Variants in CPB1 observed in about 807,000 individuals in gnomAD.
CPB1 encodes the protein carboxypeptidase B.
Under a neutral mutation model 51.4 loss-of-function variants are expected in CPB1, and 53 were observed. The ratio of observed to expected loss-of-function variants is 1.03; its 90% CI spans 0.83 to 1.30. CPB1 has a LOEUF of 1.30. Ranked by LOEUF, CPB1 falls within the 50% of genes most tolerant of loss-of-function variation. The probability of loss-of-function intolerance (pLI) is 0.00; values close to 1 mark genes in which losing one functional copy is unlikely to be tolerated. For missense variants in CPB1, 494 were observed against 516.2 expected (o/e 0.96, Z 0.42); for synonymous variants, 189 against 186.9 (o/e 1.01, Z -0.09).
intron 2 of CPB1, 135 bp downstream of exon 2, chr3:148,828,212 T>G: frequency 1.4e-6 from 1 of 716,336 alleles, no homozygotes; most frequent in African/African-American, 1.8e-5. Flanking sequence ...TGGAAAACAT[T>G]TAGTGCCATA....
chr3:148,834,574 A>G lies in CPB1; in HGVS notation c.224A>G (p.Asp75Gly), dbSNP rs1005527114. 18 of 1,613,150 alleles carry G rather than the reference A, an allele frequency of 1.1e-5. No homozygotes were observed. In the African/African-American group the frequency reaches 2.1e-4, roughly 19 times the overall value. Residue 75 changes from aspartate to glycine, a missense_variant, in exon 3 of 11, where the codon GAT (aspartate) becomes GGT (glycine). Asp to Gly is a moderately conservative substitution (Grantham distance 94). Coordinates refer to ENST00000282957, the MANE Select transcript of CPB1 (RefSeq NM_001871.3). ...GTTGACTTCCGTGTTAAAGCAGAAG[A>G]TACTGTCACTGTGGAGAATGTTCTA... is the stretch of plus-strand genomic sequence containing the variant. ...STVDFRVKAE[D>G]TVTVENVLKQ...
At chr3:148,853,186 T>C (rs1357691824) in intron 9 of CPB1, among the ~76,000 whole-genome samples, 2 of 152,176 alleles carry the variant, frequency 1.3e-5, no homozygotes, top group Non-Finnish European at 2.9e-5. Context: ...AAAATTTTCT[T>C]TAAATTGTTT....
chr3:148,857,589 C>G, intron 10 of CPB1, 48 bp downstream of exon 10: 1 of 1,456,052 alleles, frequency 6.9e-7, no homozygotes, highest in Non-Finnish European at 9.6e-7. Flanking sequence ...GCCTAAAAAG[C>G]CAACGAAAGG....
chr3:148,847,482 A>G (rs549097269), intron 9 of CPB1, among the ~76,000 whole-genome samples: 14 of 152,036 alleles, frequency 9.2e-5, no homozygotes, highest in African/African-American at 3.4e-4. Flanking sequence ...ACCAAGCCTC[A>G]GAGTTAGCAA....
At position 148,840,801 on chromosome 3, in the gene CPB1, G is replaced by T. The variant is rs1288741234; in HGVS notation, c.372+16G>T. The stretch of plus-strand genomic sequence containing the variant: ...GTGGGAAACGGTATGATGTGCACAT[G>T]ATTTAGACAGATATTACTTTGGGAA... On this transcript the variant is annotated intron_variant, in intron 4 of 10. Transcript: ENST00000282957. The T allele has an allele frequency of 6.2e-7, 1 of 1,613,456 alleles. No homozygotes were observed. Among genetic ancestry groups the T allele is most frequent in the Non-Finnish European group, 8.5e-7 (1 of 1,179,522 alleles).
rs1713174623 is a variant in CPB1, at chr3:148,844,527, A to C, written c.626A>C (p.Lys209Thr). The part of the protein sequence containing the change: ...REIQVTELLD[K>T]LDFYVLPVLN... ...ATCCAAGTGACAGAGCTTCTCGACA[A>C]GTTAGACTTTTATGTCCTGCCTGTG... is the stretch of plus-strand genomic sequence containing the variant. Residue 209 changes from lysine (K) to threonine (T), a missense_variant, in exon 7 of 11, where the codon AAG (lysine) becomes ACG (threonine). Transcript: ENST00000282957. The C allele has an allele frequency of 6.2e-7, 1 of 1,613,944 alleles. No homozygotes were observed.
At chr3:148,858,359 T>C (rs1713647571) in intron 10 of CPB1, among the ~76,000 whole-genome samples, 1 of 151,930 alleles carries the variant, frequency 6.6e-6, no homozygotes, top group South Asian at 2.1e-4. Flanking sequence ...GATCCCGAGA[T>C]CAGGAGCTCG....
At chr3:148,840,826 A>G (rs369032904) in intron 4 of CPB1, 41 bp downstream of exon 4, 4 of 1,613,628 alleles carry the variant, frequency 2.5e-6, no homozygotes, top group Non-Finnish European at 3.4e-6. Flanking sequence ...TACTTTGGGA[A>G]TTGAACCAAG....
At chr3:148,847,419 A>G (rs1455076822) in intron 9 of CPB1, among the ~76,000 whole-genome samples, 1 of 150,668 alleles carries the variant, frequency 6.6e-6, no homozygotes, top group African/African-American at 2.4e-5. Context: ...CTGCCTTTAG[A>G]ATATTATGAA....
intron 9 of CPB1, among the ~76,000 whole-genome samples, chr3:148,846,825 A>ATGTGTGTGTGCG (rs1713265027): frequency 9.0e-6 from 1 of 110,666 alleles, no homozygotes; most frequent in African/African-American, 3.7e-5. Flanking sequence ...ATATATATAT[A>ATGTGTGTGTGCG]TATATATATA....
chr3:148,858,571 T>C (rs1211278025), intron 10 of CPB1, among the ~76,000 whole-genome samples: 1 of 149,468 alleles, frequency 6.7e-6, no homozygotes, highest in Non-Finnish European at 1.5e-5. Context: ...AAACTCCATC[T>C]CAAAAAAAAA....
At chr3:148,839,497 T>C (rs1713009356) in intron 3 of CPB1, among the ~76,000 whole-genome samples, 1 of 152,228 alleles carries the variant, frequency 6.6e-6, no homozygotes, top group Non-Finnish European at 1.5e-5. Context: ...GGAATAACTT[T>C]TAAAATCTGC....
chr3:148,858,023 T>G (rs1447546005), intron 10 of CPB1, among the ~76,000 whole-genome samples: 1 of 151,270 alleles, frequency 6.6e-6, no homozygotes, highest in African/African-American at 2.4e-5. Flanking sequence ...AACAAGAAAG[T>G]AAGAATAGAG....
chr3:148,841,004 T>G, intron 5 of CPB1, 29 bp downstream of exon 5: 6 of 1,557,136 alleles, frequency 3.9e-6, no homozygotes, highest in Non-Finnish European at 5.3e-6. Context: ...GACCTTGCCA[T>G]GTCTGAGGGC....
chr3:148,843,252 G>C (rs1225395520), intron 6 of CPB1, among the ~76,000 whole-genome samples: 1 of 152,142 alleles, frequency 6.6e-6, no homozygotes, highest in Non-Finnish European at 1.5e-5. Flanking sequence ...GGTTGTGTAA[G>C]ATGGTAACAT....
chr3:148,837,600 T>TG (rs975909845), intron 3 of CPB1, among the ~76,000 whole-genome samples: 24 of 152,134 alleles, frequency 1.6e-4, no homozygotes, highest in African/African-American at 4.3e-4. Context: ...TCTTCTAGAA[T>TG]GGAAGCTCAT....
intron 8 of CPB1, 91 bp downstream of exon 8, chr3:148,844,858 C>G (rs981352712): frequency 1.7e-6 from 2 of 1,151,140 alleles, no homozygotes; most frequent in African/African-American, 3.2e-5. Flanking sequence ...ATAAAAAAAG[C>G]AAGTTTTATA....
chr3:148,841,972 T>G (rs1452315486), intron 6 of CPB1, 48 bp downstream of exon 6: 1 of 1,290,158 alleles, frequency 7.8e-7, no homozygotes, highest in Admixed American at 1.8e-5. Flanking sequence ...ATGTTTTAAT[T>G]TTCAATTAAT....
chr3:148,843,976 T>A (rs1376156405), intron 6 of CPB1, among the ~76,000 whole-genome samples: 2 of 152,172 alleles, frequency 1.3e-5, no homozygotes, highest in African/African-American at 4.8e-5. Context: ...TACCTTGTTA[T>A]ATTGGACATT....
Sources: allele counts gnomAD v4.1 joint callset (sites outside exome capture counted in the v4.1 genomes callset), GRCh38; gene constraint gnomAD v4.1.1; transcripts MANE v1.5; gene names NCBI Gene and HGNC (gene_info 2026-07-23, HGNC 2026-07-21).